The following C8orf34 variants were observed in gnomAD, a reference collection of about 807,000 sequenced individuals.
The protein encoded by C8orf34 is uncharacterized protein C8orf34.
In C8orf34, 65 loss-of-function variants were observed where a neutral mutation model predicts 68.3. The ratio of observed to expected loss-of-function variants is 0.95; its 90% CI spans 0.78 to 1.17. C8orf34 has a LOEUF of 1.17. Among genes scored for constraint, C8orf34 ranks in the 50% most tolerant of loss-of-function variants. The pLI is 0.00. For missense variants in C8orf34, 664 were observed against 655.4 expected, an observed-to-expected ratio of 1.01 and a Z score of -0.14; for synonymous variants, 244 against 241.2, an observed-to-expected ratio of 1.01 and a Z score of -0.11.
intron 12 of C8orf34, among the ~76,000 whole-genome samples, chr8:68,789,840 A>G (rs1052858732): frequency 2.0e-5 from 3 of 152,342 alleles, no homozygotes; most frequent in Middle Eastern, 3.4e-3. Context: ...TAAAATTTTA[A>G]TATTGGATTT....
intron 3 of C8orf34, among the ~76,000 whole-genome samples, chr8:68,466,315 T>C (rs1812132782): frequency 6.6e-6 from 1 of 151,998 alleles, no homozygotes; most frequent in Non-Finnish European, 1.5e-5. Flanking sequence ...CAATGTTTGA[T>C]AGAAGAGTAG....
intron 3 of C8orf34, among the ~76,000 whole-genome samples, chr8:68,456,802 C>T (rs1811572954): frequency 6.6e-6 from 1 of 152,130 alleles, no homozygotes; most frequent in Non-Finnish European, 1.5e-5. Flanking sequence ...CAAAGATCTG[C>T]AAGGTAGCGT....
chr8:68,596,649 A>G (rs1817554671), intron 7 of C8orf34, among the ~76,000 whole-genome samples: 1 of 152,132 alleles, frequency 6.6e-6, no homozygotes, highest in African/African-American at 2.4e-5. Context: ...TGACACCTGC[A>G]TATCTGTGGG....
chr8:68,706,128 G>GACC lies in C8orf34; in HGVS notation c.1242-2863_1242-2861dup, dbSNP rs1821158083. 2.6e-5 allele frequency among the ~76,000 whole-genome samples: 4 copies of GACC among 152,316 alleles called. No individual in the cohort carries two copies. In the South Asian group the frequency reaches 8.3e-4, roughly 32 times the overall value. On this transcript the variant is annotated intron_variant, in intron 8 of 13. Coordinates refer to ENST00000518698, the MANE Select transcript of C8orf34 (RefSeq NM_052958.4). ...CAAGAAGTTCAAGTTTAAAGTTAGAGACCACTGATTTATAGTCACCAATCC... is the reference window on the plus strand; with the variant it reads ...CAAGAAGTTCAAGTTTAAAGTTAGAGACCACCACTGATTTATAGTCACCAATCC...
chr8:68,513,169 T>TA (rs1814353028), intron 5 of C8orf34, among the ~76,000 whole-genome samples: 2 of 152,374 alleles, frequency 1.3e-5, no homozygotes, highest in South Asian at 4.1e-4. Context: ...AGGCTGTTTT[T>TA]ATTTCTGAAA....
chr8:68,379,402 G>A (rs972142952), intron 1 of C8orf34, among the ~76,000 whole-genome samples: 1 of 152,160 alleles, frequency 6.6e-6, no homozygotes, highest in African/African-American at 2.4e-5. Context: ...AATGTCTAAT[G>A]TAGTTTCACA....
intron 7 of C8orf34, among the ~76,000 whole-genome samples, chr8:68,603,871 T>C (rs1445101500): frequency 6.6e-6 from 1 of 152,020 alleles, no homozygotes; most frequent in Admixed American, 6.6e-5. Context: ...GTGTATAACC[T>C]CAATAAAAGA....
At chr8:68,634,412 C>T (rs1207960679) in intron 7 of C8orf34, among the ~76,000 whole-genome samples, 2 of 152,160 alleles carry the variant, frequency 1.3e-5, no homozygotes, top group African/African-American at 4.8e-5. Context: ...AGGATATGTT[C>T]CTGGTATTTC....
At chr8:68,512,339 T>C (rs1814312556) in intron 5 of C8orf34, among the ~76,000 whole-genome samples, 1 of 152,210 alleles carries the variant, frequency 6.6e-6, no homozygotes, top group Admixed American at 6.5e-5. Flanking sequence ...GAACATCATT[T>C]TGGCAATCCC....
chr8:68,372,919 GC>G (rs1301773234), intron 1 of C8orf34, among the ~76,000 whole-genome samples: 1 of 152,206 alleles, frequency 6.6e-6, no homozygotes, highest in Non-Finnish European at 1.5e-5. Flanking sequence ...CAGAGTACCA[GC>G]CCCTTCCTTG....
chr8:68,715,655 TAA>T (rs59970473), intron 9 of C8orf34, among the ~76,000 whole-genome samples: 16 of 140,642 alleles, frequency 1.1e-4, no homozygotes, highest in Admixed American at 2.1e-4. Context: ...CTATAAAAAA[TAA>T]AAAAAAAAAA....
At chr8:68,545,406 T>C (rs953513572) in intron 7 of C8orf34, among the ~76,000 whole-genome samples, 2 of 152,126 alleles carry the variant, frequency 1.3e-5, no homozygotes, top group African/African-American at 4.8e-5. Context: ...AGGTGTGTCT[T>C]TATTAGCAGC....
rs1284689490 is a variant in C8orf34 at position 68,475,660 on chromosome 8, ACG to A, written c.736+6841_736+6842del. 7.6e-4 allele frequency among the ~76,000 whole-genome samples: 116 copies of A among 152,360 alleles called. 1 individual carries two copies. In the East Asian group the frequency reaches 0.011, roughly 14 times the overall value. The stretch of plus-strand genomic sequence containing the variant: ...AAAATAAATAGATAGCTAAGTAAGC[ACG>A]TAAACAAATAAATAAACATCCTAAA... On this transcript the variant is annotated intron_variant, in intron 4 of 13. Coordinates refer to ENST00000518698, the MANE Select transcript of C8orf34 (RefSeq NM_052958.4).
chr8:68,538,479 T>C (rs1286128439), intron 7 of C8orf34, among the ~76,000 whole-genome samples: 1 of 150,642 alleles, frequency 6.6e-6, no homozygotes. Context: ...TTTTTTTTTT[T>C]CTTTTTGTCA....
In C8orf34 at chr8:68,483,412, T is replaced by C. The variant is rs528517662; in HGVS notation, c.737-4611T>C. Among the ~76,000 whole-genome samples, 11 of 151,956 alleles carry C rather than the reference T, an allele frequency of 7.2e-5. No individual in the cohort carries two copies. In the East Asian group the frequency reaches 2.1e-3, roughly 29 times the overall value. ...CAGAAGCCGTGTGTGCCTGGGGAGG[T>C]TGCAAGACAAGGTGACTCCCTGCAC... On this transcript the variant is annotated intron_variant, in intron 4 of 13. Coordinates refer to ENST00000518698, the MANE Select transcript of C8orf34 (RefSeq NM_052958.4).
upstream of C8orf34, chr8:68,330,685 G>A: frequency 3.5e-6 from 1 of 282,250 alleles, no homozygotes; most frequent in East Asian, 6.6e-5. Flanking sequence ...GGCTTTTTAA[G>A]CGGCGCTGTC....
At chr8:68,464,412 C>G (rs1430121892) in intron 3 of C8orf34, among the ~76,000 whole-genome samples, 4 of 151,944 alleles carry the variant, frequency 2.6e-5, no homozygotes, top group African/African-American at 4.8e-5. Context: ...CCCCATCAAG[C>G]TACCAATGAC....
chr8:68,535,515 G>GA (rs1586337480), intron 7 of C8orf34: 14 of 943,010 alleles, frequency 1.5e-5, no homozygotes, highest in South Asian at 1.5e-4. Context: ...GATTTGAAGG[G>GA]AAAAAATCCT....
At chr8:68,580,413 T>C (rs951406355) in intron 7 of C8orf34, among the ~76,000 whole-genome samples, 40 of 152,144 alleles carry the variant, frequency 2.6e-4, no homozygotes, top group African/African-American at 9.7e-4. Context: ...ATTATACTAA[T>C]CTTTAATCAT....
Sources: allele counts gnomAD v4.1 joint callset (sites outside exome capture counted in the v4.1 genomes callset), GRCh38; gene constraint gnomAD v4.1.1; transcripts MANE v1.5; gene names NCBI Gene and HGNC (gene_info 2026-07-23, HGNC 2026-07-21).